Variants in NRCAM observed in about 807,000 individuals in gnomAD.
NRCAM encodes the protein NgCAM-related cell adhesion molecule.
A neutral mutation model predicts 156.5 loss-of-function variants in NRCAM; 83 were observed. The observed-to-expected ratio is 0.53, with a 90% CI of 0.44 to 0.64. The LOEUF is 0.64. Ranked by LOEUF, NRCAM falls within the 30% of genes least tolerant of loss-of-function variation. The pLI, the probability that NRCAM is intolerant of heterozygous loss-of-function variation, is 0.00. For synonymous variants in NRCAM, 538 were observed against 563.9 expected, an observed-to-expected ratio of 0.95 and a Z score of 0.65; for missense variants, 1,417 against 1,597.3, an observed-to-expected ratio of 0.89 and a Z score of 1.92.
At chr7:108,378,680 CACA>C (rs1563519032) in intron 2 of NRCAM, among the ~76,000 whole-genome samples, 2 of 139,222 alleles carry the variant, frequency 1.4e-5, no homozygotes, top group African/African-American at 5.5e-5. Context: ...CACACACACA[CACA>C]CACACAAACT....
chr7:108,173,153 T>C lies in NRCAM; in HGVS notation c.3187+2169A>G, dbSNP rs2059182213. On this transcript the variant is annotated intron_variant, in intron 28 of 32. Coordinates refer to ENST00000379028, the MANE Select transcript of NRCAM (RefSeq NM_001037132.4). ...GGCGCCCAACAACACGCCCAGCTAATTTTTATATTTTTAGTAGAGATGGGG... is the reference window on the plus strand; with the variant it reads ...GGCGCCCAACAACACGCCCAGCTAACTTTTATATTTTTAGTAGAGATGGGG... Among the ~76,000 whole-genome samples, 3 of 152,020 alleles carry C rather than the reference T, an allele frequency of 2.0e-5. No homozygotes were observed. In the South Asian group the frequency reaches 6.3e-4, roughly 32 times the overall value.
At chr7:108,173,284 C>T (rs1338383720) in intron 28 of NRCAM, among the ~76,000 whole-genome samples, 3 of 152,122 alleles carry the variant, frequency 2.0e-5, no homozygotes, top group Non-Finnish European at 4.4e-5. Flanking sequence ...CCACGCCCGG[C>T]CATATTGATG....
chr7:108,268,517 T>C (rs1250463975), intron 3 of NRCAM, among the ~76,000 whole-genome samples: 1 of 151,472 alleles, frequency 6.6e-6, no homozygotes, highest in African/African-American at 2.4e-5. Flanking sequence ...CCACAAAGTA[T>C]TCCATGCTTC....
chr7:108,239,895 G>C, intron 4 of NRCAM, 64 bp downstream of exon 4: 4 of 990,250 alleles, frequency 4.0e-6, no homozygotes, highest in Non-Finnish European at 6.4e-6. Flanking sequence ...GCAGTTCAGA[G>C]TGATGATAAA....
Position 108,253,930 on chromosome 7 carries a change from A to T in NRCAM, c.-106-13760T>A, listed in dbSNP as rs575810734. On this transcript the variant is annotated intron_variant, in intron 3 of 32. Coordinates refer to ENST00000379028, the MANE Select transcript of NRCAM (RefSeq NM_001037132.4). The stretch of plus-strand genomic sequence containing the variant: ...ACAATATACTCAGCCTCCTGCTCCT[A>T]TCACTACCCCAACCACGAAACCACA... Among the ~76,000 whole-genome samples, 11 of 152,334 alleles carry T rather than the reference A, an allele frequency of 7.2e-5. No individual in the cohort carries two copies. In the South Asian group the frequency reaches 2.3e-3, roughly 32 times the overall value.
chr7:108,429,211 A>G (rs1164086309), intron 1 of NRCAM, among the ~76,000 whole-genome samples: 1 of 152,008 alleles, frequency 6.6e-6, no homozygotes, highest in Non-Finnish European at 1.5e-5. Flanking sequence ...TCTTTTTGTG[A>G]GACAGAGTCT....
At chr7:108,335,410 T>C (rs1309726258) in intron 2 of NRCAM, among the ~76,000 whole-genome samples, 3 of 149,278 alleles carry the variant, frequency 2.0e-5, no homozygotes, top group East Asian at 4.0e-4. Context: ...GGCTGGTTCA[T>C]GTCCTGTGGA....
At chr7:108,424,200 T>C (rs1195520623) in intron 1 of NRCAM, among the ~76,000 whole-genome samples, 2 of 152,198 alleles carry the variant, frequency 1.3e-5, no homozygotes, top group African/African-American at 4.8e-5. Context: ...TTAGAGCTTA[T>C]CAGGTTTCCT....
chr7:108,226,600 G>A (rs1483994539), intron 8 of NRCAM, among the ~76,000 whole-genome samples: 1 of 151,836 alleles, frequency 6.6e-6, no homozygotes, highest in Non-Finnish European at 1.5e-5. Context: ...ACTTCTCTGG[G>A]GTGGGGGCAG....
intron 2 of NRCAM, among the ~76,000 whole-genome samples, chr7:108,339,714 T>C (rs1178532779): frequency 6.6e-6 from 1 of 152,176 alleles, no homozygotes; most frequent in Non-Finnish European, 1.5e-5. Context: ...TGGAAAGGAA[T>C]AAGCATTAGG....
At chr7:108,273,768 T>C (rs1006574087) in intron 3 of NRCAM, among the ~76,000 whole-genome samples, 4 of 152,270 alleles carry the variant, frequency 2.6e-5, no homozygotes, top group African/African-American at 4.8e-5. Context: ...TTGTCTATTT[T>C]GGCTGTTGTT....
intron 3 of NRCAM, among the ~76,000 whole-genome samples, chr7:108,297,973 G>A (rs2098484721): frequency 6.6e-6 from 1 of 152,160 alleles, no homozygotes; most frequent in African/African-American, 2.4e-5. Flanking sequence ...CCTGTGGTGG[G>A]AGCATCCTGG....
At position 108,371,418 on chromosome 7, in the gene NRCAM, G is replaced by C. The variant is rs542518199; in HGVS notation, c.-174+28018C>G. 1.8e-3 allele frequency among the ~76,000 whole-genome samples: 279 copies of C among 152,226 alleles called. 1 individual carries two copies. The highest frequency in any genetic ancestry group is 1.3e-3 in the Non-Finnish European group (90 of 68,018). ...TAAGCAGGGAGGGAATAAAGTGGAAGGGATCAAAAGGTCTTTGACTCTCAC... is the reference window on the plus strand; with the variant it reads ...TAAGCAGGGAGGGAATAAAGTGGAACGGATCAAAAGGTCTTTGACTCTCAC... On this transcript the variant is annotated intron_variant, in intron 2 of 32. Transcript: ENST00000379028.
intron 2 of NRCAM, among the ~76,000 whole-genome samples, chr7:108,323,477 C>A (rs1036979270): frequency 1.3e-5 from 2 of 152,216 alleles, no homozygotes; most frequent in Non-Finnish European, 2.9e-5. Context: ...TGTGTATTCA[C>A]CAAATCTCTT....
chr7:108,415,790 G>A (rs932724339), intron 1 of NRCAM, among the ~76,000 whole-genome samples: 1 of 152,210 alleles, frequency 6.6e-6, no homozygotes, highest in African/African-American at 2.4e-5. Flanking sequence ...GCTGAGGCAG[G>A]ACAGTCACTA....
At chr7:108,248,731 A>G (rs73199578) in intron 3 of NRCAM, among the ~76,000 whole-genome samples, 1 of 152,088 alleles carries the variant, frequency 6.6e-6, no homozygotes, top group Non-Finnish European at 1.5e-5. Flanking sequence ...GATGCACACA[A>G]CTTTTGCTCA....
intron 22 of NRCAM, 120 bp from the exon 23 acceptor site, chr7:108,183,040 A>G: frequency 1.3e-6 from 1 of 795,152 alleles, no homozygotes; most frequent in Non-Finnish European, 2.0e-6. Context: ...CTAAAACACA[A>G]GCTATTAACC....
chr7:108,240,123 T>C lies in NRCAM; in HGVS notation c.-59A>G. On this transcript the variant is annotated 5_prime_UTR_variant, in exon 4 of 33. Coordinates refer to ENST00000379028, the MANE Select transcript of NRCAM (RefSeq NM_001037132.4). ...TTTCCTTTTCTTCTTTCACAAAAGA[T>C]TTTGTGAAACGTTGTGTGCAACGTT... 7.9e-7 allele frequency: 1 copy of C among 1,267,862 alleles called. No individual in the cohort carries two copies. Among genetic ancestry groups the C allele is most frequent in the Non-Finnish European group, 1.1e-6 (1 of 875,328 alleles). The allele number at this position is 1,267,862 out of a possible 1,614,324, so 78.5% of individuals were successfully genotyped here.
At chr7:108,389,540 C>T (rs1440186992) in intron 2 of NRCAM, among the ~76,000 whole-genome samples, 1 of 152,214 alleles carries the variant, frequency 6.6e-6, no homozygotes, top group Admixed American at 6.5e-5. Context: ...AACTGAATAC[C>T]CTTTATTTCT....
Sources: allele counts gnomAD v4.1 joint callset (sites outside exome capture counted in the v4.1 genomes callset), GRCh38; gene constraint gnomAD v4.1.1; transcripts MANE v1.5; gene names NCBI Gene and HGNC (gene_info 2026-07-23, HGNC 2026-07-21).